The following GPC5 variants were observed in gnomAD, a reference collection of about 807,000 sequenced individuals.
GPC5 encodes the protein glypican 5.
A neutral mutation model predicts 53.9 loss-of-function variants in GPC5; 47 were observed. The ratio of observed to expected loss-of-function variants is 0.87; its 90% CI spans 0.69 to 1.11. The LOEUF is 1.11. GPC5 is among the 50% of genes most tolerant of loss of function. The probability of loss-of-function intolerance (pLI) is 0.00; values close to 1 mark genes in which losing one functional copy is unlikely to be tolerated. For missense variants in GPC5, 748 were observed against 713.1 expected (o/e 1.05, Z -0.56); for synonymous variants, 286 against 263.3 (o/e 1.09, Z -0.84).
intron 7 of GPC5, among the ~76,000 whole-genome samples, chr13:92,204,108 G>A (rs1406483800): frequency 6.6e-6 from 1 of 152,080 alleles, no homozygotes; most frequent in Non-Finnish European, 1.5e-5. Flanking sequence ...AATCAGAAAA[G>A]AATGGGAGAA....
intron 1 of GPC5, among the ~76,000 whole-genome samples, chr13:91,413,841 T>C (rs1877990744): frequency 6.6e-6 from 1 of 152,196 alleles, no homozygotes; most frequent in African/African-American, 2.4e-5. Context: ...TGAGCTACCA[T>C]AAATAAAATT....
Position 91,907,817 on chromosome 13 carries a change from A to G in GPC5, c.1281-120A>G, listed in dbSNP as rs1020452619. ...GCTGTGCCAGTTTCTGTTCCAAGAG[A>G]AAAATACATTGGTGTATTCTCTAAA... On this transcript the variant is annotated intron_variant, in intron 5 of 7. Coordinates refer to ENST00000377067, the MANE Select transcript of GPC5 (RefSeq NM_004466.6). The G allele has an allele frequency of 2.7e-5, 26 of 949,598 alleles. 1 individual carries two copies. Among genetic ancestry groups the G allele is most frequent in the Admixed American group, 1.5e-4 (6 of 39,080 alleles). 58.8% of individuals were successfully genotyped at this position (949,598 alleles called of 1,614,324 possible).
At chr13:92,241,349 A>G (rs1293175963) in intron 7 of GPC5, 1 of 152,206 alleles carries the variant, frequency 6.6e-6, no homozygotes, top group African/African-American at 2.4e-5. Context: ...TGGAGGTTTC[A>G]GCAAAGTTGA....
At chr13:92,160,733 A>G (rs2041981517) in intron 7 of GPC5, among the ~76,000 whole-genome samples, 2 of 152,202 alleles carry the variant, frequency 1.3e-5, no homozygotes, top group African/African-American at 4.8e-5. Context: ...AGCCAACTCT[A>G]CAGAACAGGG....
intron 7 of GPC5, among the ~76,000 whole-genome samples, chr13:92,542,405 T>C (rs1031225131): frequency 1.3e-5 from 2 of 152,028 alleles, no homozygotes; most frequent in Non-Finnish European, 2.9e-5. Context: ...GAGATCAACA[T>C]TTTCAGCTTC....
chr13:91,638,585 C>G (rs185918027), intron 2 of GPC5, among the ~76,000 whole-genome samples: 2 of 152,134 alleles, frequency 1.3e-5, no homozygotes, highest in Non-Finnish European at 2.9e-5. Flanking sequence ...AGGCTGGTCT[C>G]GAACTCCTGA....
intron 7 of GPC5, among the ~76,000 whole-genome samples, chr13:92,353,401 G>T (rs1009835702): frequency 1.3e-5 from 2 of 151,402 alleles, no homozygotes; most frequent in African/African-American, 4.9e-5. Flanking sequence ...GAAAAATATA[G>T]AAAAAGTATG....
chr13:91,434,860 T>C (rs953466799), intron 1 of GPC5, among the ~76,000 whole-genome samples: 3 of 152,118 alleles, frequency 2.0e-5, no homozygotes, highest in African/African-American at 4.8e-5. Context: ...TCTTTTATTT[T>C]ATTGAGCAGT....
intron 6 of GPC5, among the ~76,000 whole-genome samples, chr13:91,962,766 C>T (rs1401813919): frequency 2.0e-5 from 3 of 152,034 alleles, no homozygotes; most frequent in African/African-American, 2.4e-5. Flanking sequence ...ATTAGTTATA[C>T]CTACTGAAAG....
intron 7 of GPC5, among the ~76,000 whole-genome samples, chr13:92,520,983 A>G (rs1594271644): frequency 6.6e-6 from 1 of 151,680 alleles, no homozygotes; most frequent in Admixed American, 6.6e-5. Flanking sequence ...TTATACACCA[A>G]TAACAAACAG....
intron 2 of GPC5, among the ~76,000 whole-genome samples, chr13:91,584,999 T>C (rs1360373300): frequency 3.9e-5 from 6 of 152,048 alleles, no homozygotes; most frequent in South Asian, 4.1e-4. Flanking sequence ...TCCCTATAAA[T>C]CAATAGAAAA....
At position 91,906,834 on chromosome 13, in the gene GPC5, C is replaced by T. The variant is rs553999897; in HGVS notation, c.1281-1103C>T. On this transcript the variant is annotated intron_variant, in intron 5 of 7. Transcript: ENST00000377067. ...ACCCTTTTACATACGACATGATTTA[C>T]CAGATCTTTGTTTAGGTGAACCTAG... Among the ~76,000 whole-genome samples, 58 of 152,018 alleles carry T rather than the reference C, an allele frequency of 3.8e-4. 1 individual carries two copies. Among genetic ancestry groups the T allele is most frequent in the African/African-American group, 1.4e-3 (57 of 41,522 alleles).
chr13:92,090,059 T>C (rs1258065148), intron 6 of GPC5, among the ~76,000 whole-genome samples: 1 of 152,346 alleles, frequency 6.6e-6, no homozygotes, highest in Non-Finnish European at 1.5e-5. Context: ...TGTATGGAAG[T>C]ACCTGCTTTT....
At chr13:91,883,037 G>A (rs1171781064) in intron 5 of GPC5, among the ~76,000 whole-genome samples, 1 of 152,090 alleles carries the variant, frequency 6.6e-6, no homozygotes, top group African/African-American at 2.4e-5. Flanking sequence ...AATTCCAGCA[G>A]GATTCATCTG....
intron 7 of GPC5, among the ~76,000 whole-genome samples, chr13:92,786,485 A>G (rs1243040166): frequency 6.6e-6 from 1 of 152,052 alleles, no homozygotes; most frequent in Non-Finnish European, 1.5e-5. Flanking sequence ...GGCATATCTG[A>G]AAAAAAGAGC....
intron 1 of GPC5, among the ~76,000 whole-genome samples, chr13:91,410,669 A>G (rs374763059): frequency 9.5e-4 from 144 of 152,154 alleles, no homozygotes; most frequent in African/African-American, 3.4e-3. Context: ...ATGGAATATC[A>G]AAGTTTCAAA....
chr13:91,882,670 G>GTTTTTTTTTTTTTTTTTTTTTTGTTT, intron 5 of GPC5, among the ~76,000 whole-genome samples: 2 of 59,316 alleles, frequency 3.4e-5, no homozygotes, highest in Non-Finnish European at 3.0e-5. Context: ...TGTTTTTTGG[G>GTTTTTTTTTTTTTTTTTTTTTTGTTT]TTTTTTTTTT....
At chr13:92,435,388 AT>A (rs1273107744) in intron 7 of GPC5, among the ~76,000 whole-genome samples, 2 of 152,324 alleles carry the variant, frequency 1.3e-5, no homozygotes, top group South Asian at 4.1e-4. Flanking sequence ...AAATGACATA[AT>A]TTCTATGGAA....
intron 6 of GPC5, among the ~76,000 whole-genome samples, chr13:92,020,938 C>A (rs963970864): frequency 1.3e-5 from 2 of 152,072 alleles, no homozygotes; most frequent in Admixed American, 6.6e-5. Flanking sequence ...TTTCTCCTAG[C>A]AATTTTACAG....
Sources: gnomAD v4.1 joint callset for allele counts (sites outside exome capture counted in the v4.1 genomes callset) on GRCh38, gnomAD v4.1.1 for gene constraint, MANE v1.5 for transcripts, NCBI Gene and HGNC (gene_info 2026-07-23, HGNC 2026-07-21) for gene names.